Variants in LIMD1 observed in about 807,000 individuals in gnomAD.
LIMD1 encodes LIM domain containing 1.
Under a neutral mutation model 58.4 loss-of-function variants are expected in LIMD1, and 23 were observed. The ratio of observed to expected loss-of-function variants is 0.39; its 90% CI spans 0.28 to 0.56. The LOEUF is 0.56. Ranked by LOEUF, LIMD1 falls within the 20% of genes least tolerant of loss-of-function variation. The pLI is 0.57. For synonymous variants in LIMD1, 334 were observed against 345.5 expected (o/e 0.97, Z 0.37); for missense variants, 838 against 855.5 (o/e 0.98, Z 0.25).
intron 2 of LIMD1, among the ~76,000 whole-genome samples, chr3:45,657,988 T>G (rs1224073018): frequency 6.6e-6 from 1 of 152,196 alleles, no homozygotes; most frequent in Non-Finnish European, 1.5e-5. Context: ...CTTTGTGAGT[T>G]TCTTCCGTAA....
chr3:45,659,665 T>TA (rs1325194221), intron 2 of LIMD1, among the ~76,000 whole-genome samples: 1 of 152,202 alleles, frequency 6.6e-6, no homozygotes, highest in Admixed American at 6.5e-5. Flanking sequence ...TAAAACACTA[T>TA]TTAAATGACA....
intron 4 of LIMD1, among the ~76,000 whole-genome samples, chr3:45,669,926 A>T (rs944755602): frequency 1.3e-5 from 2 of 152,206 alleles, no homozygotes; most frequent in East Asian, 3.8e-4. Context: ...TGCTGGTTAT[A>T]TGCTAATATT....
Position 45,677,242 on chromosome 3 carries a change from T to C in LIMD1, c.*183T>C. The C allele has an allele frequency of 5.1e-6, 3 of 592,028 alleles. No homozygotes were observed. The highest frequency in any genetic ancestry group is 5.9e-6 in the Non-Finnish European group (2 of 339,660). The allele number at this position is 592,028 out of a possible 1,614,324, so 36.7% of individuals were successfully genotyped here. A position where few individuals can be genotyped will look rare whatever the true frequency, so the allele number is the denominator to read the frequency against. On this transcript the variant is annotated 3_prime_UTR_variant, in exon 8 of 8. Coordinates refer to ENST00000273317, the MANE Select transcript of LIMD1 (RefSeq NM_014240.3). ...AGGTGAACACTACCTGCCTCCTGCG[T>C]GTATTTTCCAAGTGCTTTTCTCTGT...
At chr3:45,633,407 C>T (rs562666354) in intron 1 of LIMD1, among the ~76,000 whole-genome samples, 30 of 152,034 alleles carry the variant, frequency 2.0e-4, no homozygotes, top group African/African-American at 6.8e-4. Context: ...GAATTTTACC[C>T]GGAAAAAAAT....
intron 1 of LIMD1, among the ~76,000 whole-genome samples, chr3:45,628,371 A>G (rs972024803): frequency 1.3e-5 from 2 of 152,234 alleles, no homozygotes; most frequent in African/African-American, 4.8e-5. Flanking sequence ...TAAAGAAGAA[A>G]AGGATGACAA....
chr3:45,623,880 C>G (rs183336296), intron 1 of LIMD1, among the ~76,000 whole-genome samples: 2 of 152,168 alleles, frequency 1.3e-5, no homozygotes, highest in Non-Finnish European at 2.9e-5. Flanking sequence ...GTTGGGCATT[C>G]GCACATCGAT....
chr3:45,624,079 CCAGGTACA>C (rs1334215065), intron 1 of LIMD1, among the ~76,000 whole-genome samples: 1 of 152,174 alleles, frequency 6.6e-6, no homozygotes, highest in Non-Finnish European at 1.5e-5. Flanking sequence ...CCAGAGCTGT[CCAGGTACA>C]CAGGCAGCAA....
At chr3:45,663,343 G>A (rs916878571) in intron 2 of LIMD1, among the ~76,000 whole-genome samples, 1 of 152,170 alleles carries the variant, frequency 6.6e-6, no homozygotes, top group African/African-American at 2.4e-5. Context: ...TGTGGATTAT[G>A]TGTATTTTCA....
chr3:45,641,088 G>A (rs1701836827), intron 2 of LIMD1, among the ~76,000 whole-genome samples: 2 of 152,192 alleles, frequency 1.3e-5, no homozygotes, highest in South Asian at 2.1e-4. Flanking sequence ...CAGGTCCTGA[G>A]TGTGTCTCTG....
At chr3:45,608,932 C>G (rs1701495326) in intron 1 of LIMD1, among the ~76,000 whole-genome samples, 1 of 151,616 alleles carries the variant, frequency 6.6e-6, no homozygotes, top group Admixed American at 6.6e-5. Flanking sequence ...AAGACCTGGT[C>G]TGTAGAAGTT....
intron 1 of LIMD1, chr3:45,632,495 G>A (rs745360879): frequency 2.0e-6 from 2 of 985,160 alleles, no homozygotes; most frequent in Non-Finnish European, 2.4e-6. Context: ...CCTGGGCCTT[G>A]GAATGAAGTG....
intron 1 of LIMD1, among the ~76,000 whole-genome samples, chr3:45,597,221 T>G (rs147230774): frequency 1.3e-5 from 2 of 152,206 alleles, no homozygotes; most frequent in Non-Finnish European, 2.9e-5. Context: ...GGAAACTGAT[T>G]AGAAATGGAA....
At chr3:45,620,343 A>G (rs1182825397) in intron 1 of LIMD1, among the ~76,000 whole-genome samples, 1 of 152,220 alleles carries the variant, frequency 6.6e-6, no homozygotes, top group African/African-American at 2.4e-5. Context: ...TAAAATAAAT[A>G]TCCACAAGTC....
intron 2 of LIMD1, among the ~76,000 whole-genome samples, chr3:45,653,808 G>C (rs1701997175): frequency 6.6e-6 from 1 of 150,704 alleles, no homozygotes; most frequent in Non-Finnish European, 1.5e-5. Context: ...TACTCAGGAG[G>C]CTGAGCCAGG....
intron 2 of LIMD1, among the ~76,000 whole-genome samples, chr3:45,662,998 A>G (rs1039271531): frequency 2.0e-5 from 3 of 152,050 alleles, no homozygotes; most frequent in African/African-American, 7.2e-5. Flanking sequence ...AAAAAAAACA[A>G]AACAGTACTA....
intron 1 of LIMD1, among the ~76,000 whole-genome samples, chr3:45,622,733 A>C (rs1701638446): frequency 6.7e-6 from 1 of 149,910 alleles, no homozygotes; most frequent in East Asian, 2.0e-4. Flanking sequence ...CAGTGGCATG[A>C]TCTTGGCTCA....
intron 1 of LIMD1, among the ~76,000 whole-genome samples, chr3:45,617,249 G>A (rs1056000302): frequency 1.3e-5 from 2 of 151,366 alleles, no homozygotes; most frequent in South Asian, 2.1e-4. Flanking sequence ...GTTTCACCAT[G>A]TTGGCCAGGC....
At position 45,595,085 on chromosome 3, in the gene LIMD1, C is replaced by T. The variant is rs1298222497; in HGVS notation, c.206C>T (p.Thr69Ile). Reference protein sequence around the residue: ...QQQQQLLQEETLPRGSRGPVN... With the variant: ...QQQQQLLQEEILPRGSRGPVN... ...CAGCAGCAGCTCCTGCAGGAGGAGA[C>T]TCTGCCCAGGGGGAGTAGAGGCCCT... The change falls in exon 1 of 8, where the codon ACT becomes ATT. Residue 69 changes from threonine (T) to isoleucine (I), a missense_variant. By Grantham distance (89) the Thr-to-Ile change is moderately conservative. This residue lies in a region of LIMD1 where 659 missense variants were observed against 639.8 expected (regional missense o/e 1.03). Transcript: ENST00000273317. 1.2e-6 allele frequency: 2 copies of T among 1,613,182 alleles called. No individual in the cohort carries two copies. Among genetic ancestry groups the T allele is most frequent in the East Asian group, 2.2e-5 (1 of 44,882 alleles).
chr3:45,663,797 CT>C (rs1697474381), intron 2 of LIMD1, among the ~76,000 whole-genome samples: 1 of 151,696 alleles, frequency 6.6e-6, no homozygotes, highest in Non-Finnish European at 1.5e-5. Context: ...TCACTGCAAT[CT>C]CCACCTCCTG....
Sources: allele counts gnomAD v4.1 joint callset (sites outside exome capture counted in the v4.1 genomes callset), GRCh38; gene constraint gnomAD v4.1.1; regional missense constraint gnomAD v4.1.1; transcripts MANE v1.5; gene names NCBI Gene and HGNC (gene_info 2026-07-23, HGNC 2026-07-21).